Variants in USP13 observed in about 807,000 individuals in gnomAD.
USP13 encodes ubiquitin specific peptidase 13, also known as ubiquitin carboxyl-terminal hydrolase 13.
A neutral mutation model predicts 107.8 loss-of-function variants in USP13; 68 were observed. That is an observed-to-expected ratio of 0.63 (90% CI 0.52 to 0.77). The LOEUF is 0.77. Ranked by LOEUF, USP13 falls within the 30% of genes least tolerant of loss-of-function variation. The pLI, the probability that USP13 is intolerant of heterozygous loss-of-function variation, is 0.00. For synonymous variants in USP13, 377 were observed against 389.5 expected, an observed-to-expected ratio of 0.97 and a Z score of 0.38; for missense variants, 945 against 1,093.3, an observed-to-expected ratio of 0.86 and a Z score of 1.91.
At chr3:179,687,659 C>CAAAAAAAAAAAAAAAAA (rs71182509) in intron 2 of USP13, among the ~76,000 whole-genome samples, 369 of 18,508 alleles carry the variant, frequency 0.02, 113 homozygotes, top group East Asian at 0.037. Flanking sequence ...AACTCTGTCT[C>CAAAAAAAAAAAAAAAAA]AAAAAAAAAA....
intron 10 of USP13, among the ~76,000 whole-genome samples, chr3:179,731,029 G>A (rs1430780977): frequency 1.3e-5 from 2 of 152,152 alleles, no homozygotes; most frequent in African/African-American, 4.8e-5. Context: ...TTTCCCTTTG[G>A]TAACACAGTC....
chr3:179,780,616 C>CAGCT (rs1361810495), intron 19 of USP13, among the ~76,000 whole-genome samples: 1 of 152,120 alleles, frequency 6.6e-6, no homozygotes, highest in Non-Finnish European at 1.5e-5. Context: ...GGCAGTAAGG[C>CAGCT]AGCTGTACAA....
chr3:179,788,304 G>A lies in USP13; in HGVS notation c.*4163G>A, dbSNP rs1715968524. 1 of 152,192 alleles carries A rather than the reference G, an allele frequency of 6.6e-6. No homozygotes were observed. Among genetic ancestry groups the A allele is most frequent in the Non-Finnish European group, 1.5e-5 (1 of 68,032 alleles). 9.4% of individuals were successfully genotyped at this position (152,192 alleles called of 1,614,324 possible). Reference sequence around the variant, plus strand: ...AAGAAATCCTACGCTATAGAACAAGGTTCTGTACTCTTGAGTTGGTGTCTG... The same window carrying A: ...AAGAAATCCTACGCTATAGAACAAGATTCTGTACTCTTGAGTTGGTGTCTG... On this transcript the variant is annotated 3_prime_UTR_variant, in exon 21 of 21. Transcript: ENST00000263966.
chr3:179,754,091 G>C (rs1714702802), intron 14 of USP13, among the ~76,000 whole-genome samples: 1 of 152,160 alleles, frequency 6.6e-6, no homozygotes, highest in African/African-American at 2.4e-5. Context: ...ACAAGGACAG[G>C]GTAATCTAAA....
chr3:179,665,336 G>A (rs1002619873), intron 1 of USP13, among the ~76,000 whole-genome samples: 3 of 152,170 alleles, frequency 2.0e-5, no homozygotes, highest in Non-Finnish European at 4.4e-5. Flanking sequence ...ACTCCAATCC[G>A]TCAAGTGTCT....
intron 19 of USP13, among the ~76,000 whole-genome samples, chr3:179,769,988 C>A (rs9828199): frequency 2.0e-5 from 3 of 152,176 alleles, no homozygotes; most frequent in Non-Finnish European, 2.9e-5. Context: ...ACAAACACAG[C>A]AGGGGGCCAC....
At chr3:179,773,003 C>G (rs1188521021) in intron 19 of USP13, among the ~76,000 whole-genome samples, 1 of 152,168 alleles carries the variant, frequency 6.6e-6, no homozygotes, top group Non-Finnish European at 1.5e-5. Context: ...GAGGGGAAAT[C>G]AAGCTGTTGG....
rs769775082 is a variant in USP13, at chr3:179,765,719, G to A, written c.2284G>A (p.Asp762Asn). 9.9e-6 allele frequency: 16 copies of A among 1,614,098 alleles called. No homozygotes were observed. The highest frequency in any genetic ancestry group is 1.2e-5 in the Non-Finnish European group (14 of 1,180,046). ...GAATAATAACCTGGAAAGAGCACTG[G>A]ATTGGATCTTTAGCCACCCTGAGTT... ...ATNNNLERAL[D>N]WIFSHPEFEE... The change falls in exon 19 of 21, where the codon GAT becomes AAT. Residue 762 changes from aspartate to asparagine, a missense_variant. Coordinates refer to ENST00000263966, the MANE Select transcript of USP13 (RefSeq NM_003940.3).
At chr3:179,765,658 T>G (rs1370878509) in intron 18 of USP13, 37 bp from the exon 19 acceptor site, 1 of 1,608,802 alleles carries the variant, frequency 6.2e-7, no homozygotes, top group Non-Finnish European at 8.5e-7. Flanking sequence ...TGAGGCTGCA[T>G]GCATTGTAAA....
chr3:179,775,992 G>A (rs928565613), intron 19 of USP13, among the ~76,000 whole-genome samples: 4 of 152,312 alleles, frequency 2.6e-5, no homozygotes, highest in Admixed American at 6.5e-5. Context: ...TGTCACGGTC[G>A]AGGAGGTGCT....
At chr3:179,746,853 C>T (rs1714429647) in intron 13 of USP13, among the ~76,000 whole-genome samples, 1 of 152,210 alleles carries the variant, frequency 6.6e-6, no homozygotes, top group African/African-American at 2.4e-5. Context: ...GCATGAACCA[C>T]CATGTCCGGC....
chr3:179,661,155 A>G (rs1475901073), intron 1 of USP13, among the ~76,000 whole-genome samples: 1 of 152,186 alleles, frequency 6.6e-6, no homozygotes, highest in East Asian at 1.9e-4. Flanking sequence ...TGTTATGAAA[A>G]TAGTTTTGAC....
At chr3:179,675,719 T>C (rs748216710) in intron 1 of USP13, among the ~76,000 whole-genome samples, 8 of 151,952 alleles carry the variant, frequency 5.3e-5, no homozygotes, top group Admixed American at 1.3e-4. Flanking sequence ...GGCTAATTTT[T>C]GTGTTTTTAG....
intron 1 of USP13, among the ~76,000 whole-genome samples, chr3:179,674,735 A>T (rs1056701145): frequency 6.6e-6 from 1 of 151,810 alleles, no homozygotes; most frequent in Non-Finnish European, 1.5e-5. Flanking sequence ...GTAGGAGAGG[A>T]TATACGGGTT....
In USP13 at chr3:179,743,456, T is replaced by TG. The variant is rs1560071290; in HGVS notation, c.1534+1112dup. Among the ~76,000 whole-genome samples, 4 of 150,916 alleles carry TG rather than the reference T, an allele frequency of 2.7e-5. No homozygotes were observed. The East Asian group carries it at 5.9e-4, about 22-fold the overall frequency. On this transcript the variant is annotated intron_variant, in intron 12 of 20. Coordinates refer to ENST00000263966, the MANE Select transcript of USP13 (RefSeq NM_003940.3). ...GGCCCTTTTTGCTCTTTCTTGTGTGTGGGGGGTGGTGGGTCAGTTTATGAT... is the reference window on the plus strand; with the variant it reads ...GGCCCTTTTTGCTCTTTCTTGTGTGTGGGGGGGTGGTGGGTCAGTTTATGAT...
chr3:179,690,407 C>T, intron 3 of USP13, 106 bp downstream of exon 3: 3 of 1,022,190 alleles, frequency 2.9e-6, no homozygotes, highest in Non-Finnish European at 4.3e-6. Context: ...TATTGCTGTA[C>T]AATTTAAGGA....
intron 4 of USP13, 69 bp downstream of exon 4, chr3:179,701,198 T>C: frequency 1.9e-6 from 1 of 522,708 alleles, no homozygotes; most frequent in Non-Finnish European, 2.8e-6. Context: ...GCGTGTGCGA[T>C]GTGTGTGTGC....
chr3:179,714,748 T>C lies in USP13; in HGVS notation c.806-5192T>C, dbSNP rs551375513. Among the ~76,000 whole-genome samples, 3 of 152,312 alleles carry C rather than the reference T, an allele frequency of 2.0e-5. No homozygotes were observed. In the East Asian group the frequency reaches 5.8e-4, roughly 29 times the overall value. On this transcript the variant is annotated intron_variant, in intron 6 of 20. Transcript: ENST00000263966. The stretch of plus-strand genomic sequence containing the variant: ...AAAATTTTAAAAAAGGCAGAGAATA[T>C]TGGCTCCTCTGATTTACCTTTTTTC...
chr3:179,664,735 C>T (rs6775913), intron 1 of USP13, among the ~76,000 whole-genome samples: 118,264 of 152,158 alleles, frequency 0.78, 46,526 homozygotes, highest in African/African-American at 0.88. Context: ...AATCTGAATA[C>T]GCCTCTGGAC....
Sources: gnomAD v4.1 joint callset for allele counts (sites outside exome capture counted in the v4.1 genomes callset) on GRCh38, gnomAD v4.1.1 for gene constraint, MANE v1.5 for transcripts, NCBI Gene and HGNC (gene_info 2026-07-23, HGNC 2026-07-21) for gene names.